Variants in C1orf162 observed in about 807,000 individuals in gnomAD.
C1orf162 encodes the protein transmembrane protein C1orf162.
A neutral mutation model predicts 11.4 loss-of-function variants in C1orf162; 10 were observed. The observed-to-expected ratio is 0.88, with a 90% CI of 0.54 to 1.48. The LOEUF (loss-of-function observed/expected upper bound fraction) is 1.48. Among genes scored for constraint, C1orf162 ranks in the 40% most tolerant of loss-of-function variants. The probability of loss-of-function intolerance (pLI) is 0.00; values close to 1 mark genes in which losing one functional copy is unlikely to be tolerated. For synonymous variants in C1orf162, 53 were observed against 55.0 expected, an observed-to-expected ratio of 0.96 and a Z score of 0.16; for missense variants, 140 against 149.5, an observed-to-expected ratio of 0.94 and a Z score of 0.33.
rs1445938981 is a variant in C1orf162 at position 111,476,844 on chromosome 1, AC to A, written c.87del (p.Cys30ValfsTer11). Reference sequence around the variant, plus strand: ...CAGCAGCCCCAACAACTAGCCCTGCACCCTGTCTCTCTAACCACCACAAGTA... The same window carrying A: ...CAGCAGCCCCAACAACTAGCCCTGCACCTGTCTCTCTAACCACCACAAGTA... ...STAAPTTSPA[P>X]CLSNHHNKKH... On this transcript the variant is annotated frameshift_variant, in exon 3 of 6. Coordinates refer to ENST00000369718, the MANE Select transcript of C1orf162 (RefSeq NM_001300834.2). LOFTEE classifies it high-confidence loss of function. 3.7e-6 allele frequency: 6 copies of A among 1,614,046 alleles called. No homozygotes were observed. The highest frequency in any genetic ancestry group is 1.6e-4 in the Middle Eastern group (1 of 6,062).
rs1366933105 is a variant in C1orf162 at position 111,477,404 on chromosome 1, C to T, written c.178C>T (p.Leu60Phe). 1.2e-6 allele frequency: 2 copies of T among 1,613,486 alleles called. No individual in the cohort carries two copies. The highest frequency in any genetic ancestry group is 2.2e-5 in the South Asian group (2 of 91,066). Residue 60 changes from leucine (L) to phenylalanine (F), a missense_variant, in exon 4 of 6, where the codon CTC becomes TTC. Physicochemically the swap from Leu to Phe is conservative, Grantham distance 22. Coordinates refer to ENST00000369718, the MANE Select transcript of C1orf162 (RefSeq NM_001300834.2). ...LTLLLIAFIF[L>F]IIKSYRKYHS... ...ACTGCTGCTGATAGCCTTTATCTTC[C>T]TCATCATAAAGAGCTACAGAAAATG...
intron 3 of C1orf162, 50 bp downstream of exon 3, chr1:111,476,917 ATGT>A (rs1218421278): frequency 3.7e-5 from 58 of 1,587,252 alleles, no homozygotes; most frequent in Non-Finnish European, 4.6e-5. Flanking sequence ...GTGGGATTTG[ATGT>A]TGTGCTGACA....
At position 111,478,026 on chromosome 1, in the gene C1orf162, C is replaced by T; in HGVS notation, c.296C>T (p.Thr99Ile). The change falls in exon 6 of 6, where the codon ACT (threonine) becomes ATT (isoleucine). Residue 99 changes from threonine to isoleucine, a missense_variant. Physicochemically the swap from Thr to Ile is moderately conservative, Grantham distance 89 (BLOSUM62 -1). Coordinates refer to ENST00000369718, the MANE Select transcript of C1orf162 (RefSeq NM_001300834.2). ...PGESLTYAST[T>I]FKLSEEKSNH... ...GAATCACTTACCTATGCCAGCACAA[C>T]TTTCAAACTCTCAGAAGAAAAGAGC... is the stretch of plus-strand genomic sequence containing the variant. The T allele has an allele frequency of 6.2e-7, 1 of 1,614,152 alleles. No homozygotes were observed. Among genetic ancestry groups the T allele is most frequent in the Non-Finnish European group, 8.5e-7 (1 of 1,179,968 alleles).
chr1:111,476,703 T>C, intron 2 of C1orf162, 95 bp from the exon 3 acceptor site: 4 of 1,195,790 alleles, frequency 3.3e-6, no homozygotes, highest in Non-Finnish European at 5.0e-6. Flanking sequence ...TTTCCACTGG[T>C]TGCTTGGGTA....
chr1:111,476,148 G>T (rs775840395), intron 2 of C1orf162, 83 bp downstream of exon 2: 1 of 1,303,980 alleles, frequency 7.7e-7, no homozygotes, highest in Non-Finnish European at 1.1e-6. Context: ...GTAATGGAAA[G>T]GCACTAGCTA....
rs1654036602 is a variant in C1orf162, at chr1:111,477,584, A to C, written c.203-142A>C. On this transcript the variant is annotated intron_variant, in intron 4 of 5. Coordinates refer to ENST00000369718, the MANE Select transcript of C1orf162 (RefSeq NM_001300834.2). ...GCAGACTGAAGATTCAAATCCCTTC[A>C]TTTTTCTTCCGCCCTGCCCCCCACC... is the stretch of plus-strand genomic sequence containing the variant. 2.7e-6 allele frequency: 4 copies of C among 1,497,212 alleles called. No individual in the cohort carries two copies. The South Asian group carries it at 4.6e-5, about 17-fold the overall frequency. 92.7% of individuals were successfully genotyped at this position (1,497,212 alleles called of 1,614,324 possible).
chr1:111,476,179 G>A, intron 2 of C1orf162, 114 bp downstream of exon 2: 2 of 1,058,368 alleles, frequency 1.9e-6, no homozygotes, highest in Non-Finnish European at 2.9e-6. Context: ...GAAACTGGAA[G>A]AATCCAATTT....
intron 2 of C1orf162, among the ~76,000 whole-genome samples, chr1:111,476,433 A>G (rs574475466): frequency 6.6e-6 from 1 of 152,312 alleles, no homozygotes; most frequent in African/African-American, 2.4e-5. Flanking sequence ...AAATTCCCCA[A>G]GGACTTTGGG....
intron 3 of C1orf162, 33 bp from the exon 4 acceptor site, chr1:111,477,301 C>A: frequency 6.4e-7 from 1 of 1,573,008 alleles, no homozygotes; most frequent in Non-Finnish European, 8.8e-7. Flanking sequence ...AAAAGCCCAA[C>A]AGTTCATCCC....
At chr1:111,476,124 T>G in intron 2 of C1orf162, 59 bp downstream of exon 2, 1 of 1,524,874 alleles carries the variant, frequency 6.6e-7, no homozygotes, top group Non-Finnish European at 9.1e-7. Flanking sequence ...AACTAGAAAT[T>G]GTGCTGAAGG....
chr1:111,477,547 C>T, intron 4 of C1orf162, 119 bp downstream of exon 4: 1 of 1,480,760 alleles, frequency 6.8e-7, no homozygotes. Context: ...ACCTGCTTAG[C>T]CCACCCTGTC....
chr1:111,477,623 C>T (rs770948197), intron 4 of C1orf162, 103 bp from the exon 5 acceptor site: 1 of 1,605,716 alleles, frequency 6.2e-7, no homozygotes, highest in Non-Finnish European at 8.5e-7. Flanking sequence ...CTGCCAACAC[C>T]TCCTCCCCAC....
At chr1:111,475,518 A>C (rs1653960590) in intron 1 of C1orf162, 1 of 159,422 alleles carries the variant, frequency 6.3e-6, no homozygotes, top group African/African-American at 2.4e-5. Context: ...TTATGTAGCA[A>C]TGCCAGGGAA....
Position 111,478,187 on chromosome 1 carries a change from C to T in C1orf162, c.*64C>T. The stretch of plus-strand genomic sequence containing the variant: ...ATCTCAGCCCTATCTTCACACATCA[C>T]TTTCACTTTTTTACAAATTTTGGAC... On this transcript the variant is annotated 3_prime_UTR_variant, in exon 6 of 6. Transcript: ENST00000369718. The T allele has an allele frequency of 6.3e-7, 1 of 1,592,894 alleles. No homozygotes were observed. The highest frequency in any genetic ancestry group is 1.1e-5 in the South Asian group (1 of 90,518).
At position 111,477,743 on chromosome 1, in the gene C1orf162, G is replaced by A. The variant is rs145747788; in HGVS notation, c.220G>A (p.Ala74Thr). 6.8e-5 allele frequency: 109 copies of A among 1,613,810 alleles called. No homozygotes were observed. Among genetic ancestry groups the A allele is most frequent in the Non-Finnish European group, 7.5e-5 (88 of 1,179,994 alleles). The change falls in exon 5 of 6, where the codon GCC becomes ACC. Residue 74 changes from alanine (A) to threonine (T), a missense_variant. Physicochemically the swap from Ala to Thr is moderately conservative, Grantham distance 58. Coordinates refer to ENST00000369718, the MANE Select transcript of C1orf162 (RefSeq NM_001300834.2). ...SYRKYHSKPQ[A>T]PDPHSDPPAK... is the part of the protein sequence containing the mutation. ...CATGGCAGATCACTCCAAGCCCCAG[G>A]CCCCAGATCCTCACTCAGATCCTCC...
chr1:111,476,664 T>A, intron 2 of C1orf162, 134 bp from the exon 3 acceptor site: 1 of 801,324 alleles, frequency 1.2e-6, no homozygotes, highest in South Asian at 1.5e-5. Context: ...GTTCTCTCAT[T>A]TTTGTAAGAG....
chr1:111,477,271 A>G, intron 3 of C1orf162, 63 bp from the exon 4 acceptor site: 1 of 1,392,524 alleles, frequency 7.2e-7, no homozygotes, highest in Non-Finnish European at 1.0e-6. Context: ...GAAAGGTTTC[A>G]CTCTTTAGGA....
At chr1:111,476,430 C>T (rs182999205) in intron 2 of C1orf162, among the ~76,000 whole-genome samples, 1 of 152,150 alleles carries the variant, frequency 6.6e-6, no homozygotes, top group African/African-American at 2.4e-5. Context: ...GTCAAATTCC[C>T]CAAGGACTTT....
chr1:111,477,273 T>C (rs1654022148), intron 3 of C1orf162, 61 bp from the exon 4 acceptor site: 2 of 1,397,784 alleles, frequency 1.4e-6, no homozygotes, highest in South Asian at 2.3e-5. Context: ...AAGGTTTCAC[T>C]CTTTAGGAAA....
Sources: allele counts gnomAD v4.1 joint callset (sites outside exome capture counted in the v4.1 genomes callset), GRCh38; gene constraint gnomAD v4.1.1; transcripts MANE v1.5; gene names NCBI Gene and HGNC (gene_info 2026-07-23, HGNC 2026-07-21).